The following ASCC3 variants were observed in gnomAD, a reference collection of about 807,000 sequenced individuals.
The protein encoded by ASCC3 is activating signal cointegrator 1 complex subunit 3.
ASCC3 carries 158 observed loss-of-function variants against 256.3 expected under a neutral mutation model. The ratio of observed to expected loss-of-function variants is 0.62; its 90% CI spans 0.54 to 0.70. The LOEUF is 0.70. Among genes scored for constraint, ASCC3 ranks in the 30% least tolerant of loss-of-function variants. The pLI is 0.00. For synonymous variants in ASCC3, 948 were observed against 883.4 expected, an observed-to-expected ratio of 1.07 and a Z score of -1.30; for missense variants, 2,259 against 2,626.0, an observed-to-expected ratio of 0.86 and a Z score of 3.05.
In ASCC3 at chr6:100,627,819, TAATTTATC is replaced by T; in HGVS notation, c.4521+15_4521+22del. 1 of 1,613,210 alleles carries T rather than the reference TAATTTATC, an allele frequency of 6.2e-7. No individual in the cohort carries two copies. Among genetic ancestry groups the T allele is most frequent in the African/African-American group, 1.3e-5 (1 of 75,016 alleles). On this transcript the variant is annotated intron_variant, in intron 28 of 41. Coordinates refer to ENST00000369162, the MANE Select transcript of ASCC3 (RefSeq NM_006828.4). ...AAAGTAACACTACTAAATAAATGCATAATTTATCAATCTTCTACATACCTGCTTAATAT... is the reference window on the plus strand; with the variant it reads ...AAAGTAACACTACTAAATAAATGCATAATCTTCTACATACCTGCTTAATAT...
intron 36 of ASCC3, among the ~76,000 whole-genome samples, chr6:100,548,340 T>A (rs371659776): frequency 6.6e-6 from 1 of 151,932 alleles, no homozygotes; most frequent in Non-Finnish European, 1.5e-5. Flanking sequence ...TTGTGCTTGA[T>A]TGACAGTTTC....
At chr6:100,860,225 T>C (rs1170335405) in intron 3 of ASCC3, among the ~76,000 whole-genome samples, 3 of 152,052 alleles carry the variant, frequency 2.0e-5, no homozygotes, top group African/African-American at 7.2e-5. Context: ...GCCAACAGAA[T>C]GTAGACTGTA....
chr6:100,727,623 G>T (rs1383543587), intron 10 of ASCC3, among the ~76,000 whole-genome samples: 1 of 151,536 alleles, frequency 6.6e-6, no homozygotes, highest in Non-Finnish European at 1.5e-5. Context: ...TGCAGCTATG[G>T]ATCTGAACTT....
intron 30 of ASCC3, among the ~76,000 whole-genome samples, chr6:100,619,753 C>G (rs1773853134): frequency 6.6e-6 from 1 of 151,956 alleles, no homozygotes; most frequent in Non-Finnish European, 1.5e-5. Context: ...AATTTTATTC[C>G]TCTTCCCTCT....
intron 2 of ASCC3, among the ~76,000 whole-genome samples, chr6:100,866,636 T>C (rs995960587): frequency 6.6e-6 from 1 of 152,122 alleles, no homozygotes; most frequent in African/African-American, 2.4e-5. Flanking sequence ...ATGGATCTTG[T>C]AACAAAATTT....
intron 10 of ASCC3, among the ~76,000 whole-genome samples, chr6:100,734,173 GAGA>G (rs1780037368): frequency 6.6e-6 from 1 of 152,144 alleles, no homozygotes; most frequent in Admixed American, 6.6e-5. Context: ...TGGGTAGCAG[GAGA>G]AGAATTTTTT....
chr6:100,868,562 T>C (rs966709526), intron 1 of ASCC3, among the ~76,000 whole-genome samples: 1 of 152,198 alleles, frequency 6.6e-6, no homozygotes, highest in African/African-American at 2.4e-5. Context: ...AGCCCAAAAT[T>C]TTAATTCTTT....
intron 30 of ASCC3, among the ~76,000 whole-genome samples, chr6:100,607,984 G>C (rs1483618396): frequency 7.3e-6 from 1 of 137,078 alleles, no homozygotes; most frequent in South Asian, 2.3e-4. Context: ...ATATATTAAC[G>C]ATATTAACCC....
intron 14 of ASCC3, among the ~76,000 whole-genome samples, chr6:100,676,194 A>C (rs1562218259): frequency 6.6e-6 from 1 of 152,142 alleles, no homozygotes; most frequent in South Asian, 2.1e-4. Flanking sequence ...TTTAGTTACT[A>C]GTATATATAT....
At chr6:100,585,382 G>A (rs911707109) in intron 36 of ASCC3, among the ~76,000 whole-genome samples, 2 of 152,050 alleles carry the variant, frequency 1.3e-5, no homozygotes, top group African/African-American at 4.8e-5. Context: ...CGGCTCCTGA[G>A]GCTTCTGCAT....
At chr6:100,794,522 C>T (rs1769509455) in intron 8 of ASCC3, among the ~76,000 whole-genome samples, 1 of 151,998 alleles carries the variant, frequency 6.6e-6, no homozygotes, top group Non-Finnish European at 1.5e-5. Context: ...GAACTTTGTA[C>T]AACATAACCC....
chr6:100,846,048 A>G (rs1772366313), intron 4 of ASCC3, among the ~76,000 whole-genome samples: 1 of 152,210 alleles, frequency 6.6e-6, no homozygotes, highest in Non-Finnish European at 1.5e-5. Flanking sequence ...CTTAAAAAGA[A>G]ATAGAAATTA....
chr6:100,649,263 G>C (rs1315502190), intron 20 of ASCC3, among the ~76,000 whole-genome samples: 2 of 151,590 alleles, frequency 1.3e-5, no homozygotes, highest in Non-Finnish European at 3.0e-5. Flanking sequence ...TCATAATCTT[G>C]AAGCAAGCAG....
At chr6:100,870,213 A>G (rs563138919) in intron 1 of ASCC3, among the ~76,000 whole-genome samples, 89 of 71,812 alleles carry the variant, frequency 1.2e-3, no homozygotes, top group African/African-American at 4.2e-3. Flanking sequence ...ATTTTTAAAA[A>G]TGCATTTTTA....
chr6:100,742,520 T>G (rs538835539), intron 10 of ASCC3, among the ~76,000 whole-genome samples: 39 of 152,156 alleles, frequency 2.6e-4, no homozygotes, highest in African/African-American at 9.4e-4. Context: ...CTGCAGGAGC[T>G]CCATCCCAGG....
At chr6:100,718,532 C>T (rs186887204) in intron 11 of ASCC3, among the ~76,000 whole-genome samples, 26 of 151,858 alleles carry the variant, frequency 1.7e-4, no homozygotes, top group Admixed American at 9.2e-4. Flanking sequence ...GCAAGGTGGG[C>T]GGCTTGCTTG....
chr6:100,731,306 T>C (rs1327765469), intron 10 of ASCC3, among the ~76,000 whole-genome samples: 2 of 152,210 alleles, frequency 1.3e-5, no homozygotes, highest in East Asian at 3.8e-4. Flanking sequence ...TTCTTTGTGT[T>C]AAGACATTTT....
intron 36 of ASCC3, among the ~76,000 whole-genome samples, chr6:100,549,831 CTGAAGAAAACTGGA>C (rs1196394254): frequency 6.6e-6 from 1 of 151,860 alleles, no homozygotes; most frequent in Admixed American, 6.6e-5. Flanking sequence ...GAGAAGAGCA[CTGAAGAAAACTGGA>C]TGTGTTGGAA....
chr6:100,602,520 G>T (rs1243678969), intron 33 of ASCC3, among the ~76,000 whole-genome samples: 1 of 152,002 alleles, frequency 6.6e-6, no homozygotes, highest in African/African-American at 2.4e-5. Context: ...TAGAGTAAGA[G>T]CAGGCAACAG....
Sources: allele counts gnomAD v4.1 joint callset (sites outside exome capture counted in the v4.1 genomes callset), GRCh38; gene constraint gnomAD v4.1.1; transcripts MANE v1.5; gene names NCBI Gene and HGNC (gene_info 2026-07-23, HGNC 2026-07-21).